Variants in MICU1 observed in about 807,000 individuals in gnomAD.
MICU1 encodes the protein calcium uptake protein 1, mitochondrial.
A neutral mutation model predicts 56.8 loss-of-function variants in MICU1; 45 were observed. That is an observed-to-expected ratio of 0.79 (90% CI 0.62 to 1.02). The LOEUF (loss-of-function observed/expected upper bound fraction) is 1.02. Among genes scored for constraint, MICU1 ranks in the 50% least tolerant of loss-of-function variants. The pLI is 0.00. For missense variants in MICU1, 504 were observed against 587.1 expected (o/e 0.86, Z 1.46); for synonymous variants, 186 against 195.1 (o/e 0.95, Z 0.39).
chr10:72,551,317 G>A lies in MICU1; in HGVS notation c.355C>T (p.Arg119Ter), dbSNP rs538329212. ...RKVMEYENRI[R>*]AYSTPDKIFR... The stretch of plus-strand genomic sequence containing the variant: ...ATTTTGTCTGGCGTGGAGTAGGCTC[G>A]AATCCTATTCTCATATTCCATCACC... Residue 119 changes from arginine (R) to a stop codon, truncating the protein, a stop_gained, in exon 4 of 12, where the codon CGA becomes TGA. Coordinates refer to ENST00000361114, the MANE Select transcript of MICU1 (RefSeq NM_001195518.2). LOFTEE classifies it high-confidence loss of function. The A allele has an allele frequency of 8.7e-6, 14 of 1,611,204 alleles. No homozygotes were observed. In the Middle Eastern group the frequency reaches 6.6e-4, roughly 76 times the overall value.
chr10:72,581,627 T>G (rs1347923246), intron 1 of MICU1, among the ~76,000 whole-genome samples: 1 of 151,988 alleles, frequency 6.6e-6, no homozygotes, highest in African/African-American at 2.4e-5. Flanking sequence ...GACTGTCAAT[T>G]AATGCATTTG....
intron 1 of MICU1, among the ~76,000 whole-genome samples, chr10:72,580,332 C>T (rs945740473): frequency 5.3e-5 from 8 of 152,160 alleles, no homozygotes; most frequent in Non-Finnish European, 8.8e-5. Flanking sequence ...CCCCACCCCA[C>T]TCTACTCACC....
chr10:72,555,392 A>G (rs1840135467), intron 3 of MICU1, among the ~76,000 whole-genome samples: 1 of 152,246 alleles, frequency 6.6e-6, no homozygotes. Flanking sequence ...AACTATAAAA[A>G]AAAAACTTAA....
intron 1 of MICU1, among the ~76,000 whole-genome samples, chr10:72,588,038 G>A (rs1229663574): frequency 6.6e-6 from 1 of 152,088 alleles, no homozygotes; most frequent in East Asian, 1.9e-4. Flanking sequence ...AATTGCCAGT[G>A]TTGGAGGAGT....
intron 10 of MICU1, among the ~76,000 whole-genome samples, chr10:72,404,000 G>GT (rs61039743): frequency 0.44 from 66,750 of 150,326 alleles, 18,634 homozygotes; most frequent in Non-Finnish European, 0.64. Context: ...TTGTTTGTTT[G>GT]TTTTTTGGAG....
intron 1 of MICU1, among the ~76,000 whole-genome samples, chr10:72,605,573 T>C (rs781069054): frequency 6.6e-6 from 1 of 152,226 alleles, no homozygotes; most frequent in Non-Finnish European, 1.5e-5. Context: ...ACTGTGGGGT[T>C]TGCCCTGTGA....
chr10:72,568,793 C>T (rs1408839578), intron 1 of MICU1, among the ~76,000 whole-genome samples: 7 of 147,062 alleles, frequency 4.8e-5, no homozygotes, highest in Non-Finnish European at 1.0e-4. Flanking sequence ...TGCCCTATCA[C>T]CCAGGCTGGA....
At chr10:72,468,364 C>G (rs1865858206) in intron 8 of MICU1, among the ~76,000 whole-genome samples, 1 of 149,076 alleles carries the variant, frequency 6.7e-6, no homozygotes. Context: ...TTAACCATAA[C>G]CTTTCAAATA....
At position 72,593,892 on chromosome 10, in the gene MICU1, C is replaced by A. The variant is rs543281773; in HGVS notation, c.-1-27098G>T. Among the ~76,000 whole-genome samples the A allele has an allele frequency of 7.9e-5, 12 of 152,244 alleles. No individual in the cohort carries two copies. The South Asian group carries it at 1.9e-3, about 24-fold the overall frequency. ...AAAGATAGGAATAAGTAGAAACATA[C>A]CCCAAGCTCGTGGATTGGAAGACTT... On this transcript the variant is annotated intron_variant, in intron 1 of 11. Coordinates refer to ENST00000361114, the MANE Select transcript of MICU1 (RefSeq NM_001195518.2).
intron 1 of MICU1, among the ~76,000 whole-genome samples, chr10:72,570,925 C>T (rs1840594642): frequency 1.3e-5 from 2 of 152,030 alleles, no homozygotes; most frequent in Admixed American, 1.3e-4. Context: ...TGTACACTCA[C>T]ATAAATAGCA....
intron 1 of MICU1, among the ~76,000 whole-genome samples, chr10:72,599,715 TCTTC>T (rs1841474039): frequency 6.6e-6 from 1 of 152,086 alleles, no homozygotes; most frequent in Non-Finnish European, 1.5e-5. Flanking sequence ...CTGCCTTCTT[TCTTC>T]CTTCCTTCCT....
chr10:72,481,196 C>A (rs1298742176), intron 6 of MICU1, among the ~76,000 whole-genome samples: 1 of 152,148 alleles, frequency 6.6e-6, no homozygotes, highest in Non-Finnish European at 1.5e-5. Flanking sequence ...GACAAACAAG[C>A]CAAAAACAAG....
At chr10:72,530,372 A>AATAATAATAATGATG (rs538954555) in intron 5 of MICU1, among the ~76,000 whole-genome samples, 10 of 143,956 alleles carry the variant, frequency 6.9e-5, no homozygotes, top group South Asian at 2.2e-4. Context: ...TAATAATAAT[A>AATAATAATAATGATG]ATGCCAGAAT....
intron 10 of MICU1, among the ~76,000 whole-genome samples, chr10:72,389,983 A>C (rs1285866459): frequency 2.0e-5 from 3 of 152,222 alleles, no homozygotes; most frequent in Non-Finnish European, 4.4e-5. Context: ...GTTCTTCTTA[A>C]GTGCTAAACG....
intron 5 of MICU1, chr10:72,523,766 A>G (rs1354490641): frequency 7.5e-7 from 1 of 1,340,034 alleles, no homozygotes; most frequent in Non-Finnish European, 9.7e-7. Context: ...CTACCATTAA[A>G]GAGCCCAAGC....
intron 4 of MICU1, among the ~76,000 whole-genome samples, chr10:72,543,627 G>C (rs556556774): frequency 2.6e-5 from 4 of 152,278 alleles, no homozygotes; most frequent in African/African-American, 9.6e-5. Context: ...AGGCTGAGGT[G>C]GGCAGATCAC....
chr10:72,562,200 C>G (rs1209808533), intron 3 of MICU1, among the ~76,000 whole-genome samples: 1 of 141,456 alleles, frequency 7.1e-6, no homozygotes, highest in Non-Finnish European at 1.5e-5. Flanking sequence ...GCCGCCCAGG[C>G]TGAAGTGCAG....
chr10:72,378,496 G>C (rs933554796), intron 10 of MICU1, among the ~76,000 whole-genome samples: 1 of 152,124 alleles, frequency 6.6e-6, no homozygotes, highest in Non-Finnish European at 1.5e-5. Context: ...CTTTCACCAG[G>C]ATTGTAAGTT....
intron 1 of MICU1, among the ~76,000 whole-genome samples, chr10:72,578,116 CTTTT>C (rs34834648): frequency 2.0e-5 from 3 of 152,076 alleles, no homozygotes; most frequent in African/African-American, 4.8e-5. Flanking sequence ...TCATTGTTGT[CTTTT>C]TTTAAGAAAT....
Sources: gnomAD v4.1 joint callset for allele counts (sites outside exome capture counted in the v4.1 genomes callset) on GRCh38, gnomAD v4.1.1 for gene constraint, MANE v1.5 for transcripts, NCBI Gene and HGNC (gene_info 2026-07-23, HGNC 2026-07-21) for gene names.